The following TMEM178B variants were observed in gnomAD, a reference collection of about 807,000 sequenced individuals.
TMEM178B encodes the protein transmembrane protein 178B.
A neutral mutation model predicts 31.0 loss-of-function variants in TMEM178B; 5 were observed. The ratio of observed to expected loss-of-function variants is 0.16; its 90% CI spans 0.08 to 0.34. The LOEUF (loss-of-function observed/expected upper bound fraction) is 0.34. TMEM178B is among the 10% of genes least tolerant of loss of function. The probability of loss-of-function intolerance (pLI) is 1.00; values close to 1 mark genes in which losing one functional copy is unlikely to be tolerated. For synonymous variants in TMEM178B, 164 were observed against 164.0 expected, an observed-to-expected ratio of 1.00 and a Z score of 0.00; for missense variants, 275 against 400.3, an observed-to-expected ratio of 0.69 and a Z score of 2.67.
At chr7:141,364,893 T>TGA (rs141509688) in intron 2 of TMEM178B, among the ~76,000 whole-genome samples, 10,734 of 152,264 alleles carry the variant, frequency 0.07, 504 homozygotes, top group African/African-American at 0.12. Context: ...TGATGCTGTG[T>TGA]GAGAATATAG....
At chr7:141,311,172 G>A (rs1798903777) in intron 2 of TMEM178B, among the ~76,000 whole-genome samples, 3 of 152,132 alleles carry the variant, frequency 2.0e-5, no homozygotes, top group Non-Finnish European at 4.4e-5. Flanking sequence ...GGAGAGCATC[G>A]GGATAACTAG....
chr7:141,135,050 C>T (rs990499154), intron 1 of TMEM178B, among the ~76,000 whole-genome samples: 1 of 152,196 alleles, frequency 6.6e-6, no homozygotes, highest in Non-Finnish European at 1.5e-5. Flanking sequence ...TGCCTGCTGA[C>T]ATCCACATAA....
chr7:141,418,013 A>G (rs928578730), intron 2 of TMEM178B, among the ~76,000 whole-genome samples: 7 of 152,162 alleles, frequency 4.6e-5, no homozygotes, highest in Non-Finnish European at 8.8e-5. Flanking sequence ...AAGTAGAACC[A>G]GGAAGAGCTT....
At chr7:141,507,754 G>A in the TMEM178B span, among the ~76,000 whole-genome samples, 1 of 152,178 alleles carries the variant, frequency 6.6e-6, no homozygotes, top group East Asian at 1.9e-4. Context: ...CATTCTCTGA[G>A]GCCACAGCCC....
chr7:141,284,497 A>C (rs1798413312), intron 2 of TMEM178B, among the ~76,000 whole-genome samples: 1 of 152,104 alleles, frequency 6.6e-6, no homozygotes, highest in Admixed American at 6.5e-5. Context: ...TAACATTTTT[A>C]TTTGTCTTGC....
At chr7:141,390,113 T>TA (rs1020078004) in intron 2 of TMEM178B, among the ~76,000 whole-genome samples, 15 of 150,060 alleles carry the variant, frequency 1.0e-4, no homozygotes, top group Non-Finnish European at 1.8e-4. Context: ...ATTCCCTTTT[T>TA]AAAAAAAAAG....
At chr7:141,460,001 A>G (rs902132969) in intron 3 of TMEM178B, among the ~76,000 whole-genome samples, 1 of 152,032 alleles carries the variant, frequency 6.6e-6, no homozygotes, top group African/African-American at 2.4e-5. Flanking sequence ...TTCTGTGGCT[A>G]TGTCAGATGC....
intron 2 of TMEM178B, among the ~76,000 whole-genome samples, chr7:141,289,978 C>T (rs972229628): frequency 2.0e-5 from 3 of 152,076 alleles, no homozygotes; most frequent in Non-Finnish European, 4.4e-5. Context: ...CTTGTCTCTC[C>T]TCCCCGCAAC....
At chr7:141,456,989 A>G (rs1801975427) in intron 3 of TMEM178B, among the ~76,000 whole-genome samples, 1 of 152,226 alleles carries the variant, frequency 6.6e-6, no homozygotes, top group South Asian at 2.1e-4. Context: ...TGGAAAGAAT[A>G]TGGATGGTGC....
At chr7:141,283,324 C>T (rs1693888630) in intron 2 of TMEM178B, among the ~76,000 whole-genome samples, 1 of 152,212 alleles carries the variant, frequency 6.6e-6, no homozygotes, top group Non-Finnish European at 1.5e-5. Context: ...TGCTTTAGCC[C>T]AAGCTGAGAG....
At position 141,179,993 on chromosome 7, in the gene TMEM178B, C is replaced by T. The variant is rs145053041; in HGVS notation, c.383-32598C>T. Among the ~76,000 whole-genome samples the T allele has an allele frequency of 7.9e-5, 12 of 152,330 alleles. No homozygotes were observed. In the East Asian group the frequency reaches 1.4e-3, roughly 17 times the overall value. On this transcript the variant is annotated intron_variant, in intron 1 of 3. Transcript: ENST00000565468. ...CCATGCTCCCAAACCACCTCCATCA[C>T]GTCTTCCATCTCAGCCCATTTTTAA...
rs1794552564 is a variant in TMEM178B at position 141,074,074 on chromosome 7, G to A, written c.-237G>A. On this transcript the variant is annotated 5_prime_UTR_variant, in exon 1 of 4. Coordinates refer to ENST00000565468, the MANE Select transcript of TMEM178B (RefSeq NM_001195278.2). This position sits in a 1 kb window ranked among gnomAD's most constrained non-coding sequence, Gnocchi z 5.1. The stretch of plus-strand genomic sequence containing the variant: ...GCCGCCGGAGGCTGCACCTGCCTCA[G>A]AGGATGCCCAGGAGCCCGCGGGAGC... Among the ~76,000 whole-genome samples, 2 of 152,134 alleles carry A rather than the reference G, an allele frequency of 1.3e-5. No homozygotes were observed. The highest frequency in any genetic ancestry group is 1.3e-4 in the Admixed American group (2 of 15,286).
chr7:141,185,651 G>A (rs1796598562), intron 1 of TMEM178B, among the ~76,000 whole-genome samples: 1 of 152,060 alleles, frequency 6.6e-6, no homozygotes, highest in African/African-American at 2.4e-5. Flanking sequence ...TTCTGGCTAG[G>A]GTCTCTGGGG....
At chr7:141,504,626 A>T in the TMEM178B span, among the ~76,000 whole-genome samples, 1 of 152,254 alleles carries the variant, frequency 6.6e-6, no homozygotes, top group Non-Finnish European at 1.5e-5. Flanking sequence ...ACTTAAGTAC[A>T]AGGTAAAAGC....
intron 1 of TMEM178B, among the ~76,000 whole-genome samples, chr7:141,211,386 G>C (rs1432345456): frequency 6.6e-6 from 1 of 152,230 alleles, no homozygotes; most frequent in East Asian, 1.9e-4. Context: ...ATGAGGCACT[G>C]TCTAAATTAT....
At chr7:141,298,306 T>C (rs1012195266) in intron 2 of TMEM178B, among the ~76,000 whole-genome samples, 1 of 152,194 alleles carries the variant, frequency 6.6e-6, no homozygotes, top group African/African-American at 2.4e-5. Context: ...ATTCTGTAGG[T>C]TGCCTGTTCA....
At chr7:141,506,423 G>A in the TMEM178B span, among the ~76,000 whole-genome samples, 9 of 152,166 alleles carry the variant, frequency 5.9e-5, no homozygotes, top group African/African-American at 2.2e-4. Context: ...GAGGCAAAAG[G>A]CACTTCTTAC....
the TMEM178B span, among the ~76,000 whole-genome samples, chr7:141,489,906 G>T: frequency 6.6e-6 from 1 of 152,202 alleles, no homozygotes; most frequent in African/African-American, 2.4e-5. Flanking sequence ...CAATCTCAAG[G>T]CTGAATCCCA....
intron 3 of TMEM178B, among the ~76,000 whole-genome samples, chr7:141,458,035 A>T (rs1270868792): frequency 6.6e-6 from 1 of 152,234 alleles, no homozygotes; most frequent in Admixed American, 6.5e-5. Context: ...GTCAAGTAGG[A>T]AGAAGGACAG....
Sources: allele counts gnomAD v4.1 joint callset (sites outside exome capture counted in the v4.1 genomes callset), GRCh38; gene constraint gnomAD v4.1.1; non-coding constraint Gnocchi (gnomAD v3.1); transcripts MANE v1.5; gene names NCBI Gene and HGNC (gene_info 2026-07-23, HGNC 2026-07-21).